RNASE10: variants seen among roughly 807,000 people sequenced by gnomAD.
RNASE10 encodes inactive ribonuclease-like protein 10.
RNASE10 carries 2 observed loss-of-function variants against 1.1 expected under a neutral mutation model. The ratio of observed to expected loss-of-function variants is 1.82; its 90% CI spans 0.74 to 5.73. RNASE10 has a LOEUF of 5.73. Among genes scored for constraint, RNASE10 ranks in the 30% most tolerant of loss-of-function variants. RNASE10 has a pLI of 0.05. For synonymous variants in RNASE10, 97 were observed against 96.2 expected (o/e 1.01, Z -0.05); for missense variants, 276 against 263.4 (o/e 1.05, Z -0.33).
At chr14:20,513,131 G>A (rs770826645), downstream of RNASE10, among the ~76,000 whole-genome samples, 9 of 152,054 alleles carry the variant, frequency 5.9e-5, no homozygotes, top group Non-Finnish European at 1.0e-4. Flanking sequence ...TAAGCGTTCC[G>A]GCACTGTTTG....
chr14:20,508,181 A>G (rs1256116280), intron 1 of RNASE10, among the ~76,000 whole-genome samples: 1 of 152,124 alleles, frequency 6.6e-6, no homozygotes, highest in Non-Finnish European at 1.5e-5. Flanking sequence ...TTAATATTTC[A>G]GTGTGCATCT....
chr14:20,511,721 T>C (rs953321961), downstream of RNASE10, among the ~76,000 whole-genome samples: 14 of 152,306 alleles, frequency 9.2e-5, no homozygotes, highest in African/African-American at 3.4e-4. Context: ...AATAGAACTC[T>C]TTTTTCTTGA....
At chr14:20,508,401 C>T (rs964454623) in intron 1 of RNASE10, among the ~76,000 whole-genome samples, 2 of 152,086 alleles carry the variant, frequency 1.3e-5, no homozygotes, top group East Asian at 1.9e-4. Context: ...AATCTCTCAC[C>T]GTCTCACTCC....
Position 20,507,815 on chromosome 14 carries a change from A to G in RNASE10, c.79+1796A>G, listed in dbSNP as rs139686152. Among the ~76,000 whole-genome samples, 29 of 151,862 alleles carry G rather than the reference A, an allele frequency of 1.9e-4. 2 individuals are homozygous for G. The highest frequency in any genetic ancestry group is 7.0e-4 in the African/African-American group (29 of 41,392). ...CAGGCTGGGGTGTAGCAGTTGGATC[A>G]TGGCTCACTGCAGCCTCAACTTCCT... is the stretch of plus-strand genomic sequence containing the variant. On this transcript the variant is annotated intron_variant, in intron 1 of 1. Coordinates refer to ENST00000430083, the Ensembl canonical transcript of RNASE10.
upstream of RNASE10, among the ~76,000 whole-genome samples, chr14:20,505,346 G>C (rs1357665204): frequency 0.014 from 908 of 63,986 alleles, 41 homozygotes; most frequent in African/African-American, 0.059. Context: ...TCCTTCCACG[G>C]TCTCCCTCTG....
intron 1 of RNASE10, among the ~76,000 whole-genome samples, chr14:20,508,042 G>A (rs955802632): frequency 3.3e-5 from 5 of 152,084 alleles, no homozygotes; most frequent in Admixed American, 2.0e-4. Flanking sequence ...GAGCCACTGC[G>A]CCCAGGCCCC....
downstream of RNASE10, among the ~76,000 whole-genome samples, chr14:20,513,229 GT>G (rs201219528): frequency 2.0e-5 from 3 of 148,854 alleles, no homozygotes; most frequent in Admixed American, 6.6e-5. Context: ...TTTTGTTTTT[GT>G]TTTTTTTGTT....
At chr14:20,511,157 C>T, downstream of RNASE10, 1 of 1,396,088 alleles carries the variant, frequency 7.2e-7, no homozygotes, top group Admixed American at 2.6e-5. Flanking sequence ...TCACCTTCTC[C>T]TGTTCCTCTT....
At chr14:20,510,280 G>A in intron 1 of RNASE10, 187 bp from the exon 2 acceptor site, 1 of 361,220 alleles carries the variant, frequency 2.8e-6, no homozygotes. Context: ...AACAGGGAAT[G>A]TGGTAGGGAG....
At chr14:20,506,375 G>A (rs1417634206) in intron 1 of RNASE10, among the ~76,000 whole-genome samples, 2 of 121,568 alleles carry the variant, frequency 1.6e-5, no homozygotes, top group East Asian at 2.4e-4. Context: ...GCCTCTGCCC[G>A]GCCGCCCCTA....
chr14:20,510,894 C>G, exon 2 of RNASE10: 1 of 1,614,130 alleles, frequency 6.2e-7, no homozygotes, highest in Non-Finnish European at 8.5e-7. Context: ...ATGCATTCAT[C>G]CATGAGGATC....
downstream of RNASE10, chr14:20,511,164 T>C (rs549721215): frequency 1.1e-4 from 146 of 1,366,916 alleles, 3 homozygotes; most frequent in Middle Eastern, 1.0e-2. Context: ...CTCCTGTTCC[T>C]CTTCCTTTTT....
intron 1 of RNASE10, among the ~76,000 whole-genome samples, chr14:20,506,555 C>T (rs1213755385): frequency 1.9e-3 from 215 of 112,890 alleles, no homozygotes; most frequent in African/African-American, 8.0e-3. Context: ...TCTGCCCGGC[C>T]GCCCCTACTG....
At chr14:20,506,974 G>C (rs1202551661) in intron 1 of RNASE10, among the ~76,000 whole-genome samples, 2 of 143,308 alleles carry the variant, frequency 1.4e-5, no homozygotes, top group African/African-American at 2.7e-5. Flanking sequence ...CAGCCGCCCC[G>C]TCCGGGAGGG....
chr14:20,510,881 A>G (rs750096507), exon 2 of RNASE10: 1 of 1,614,024 alleles, frequency 6.2e-7, no homozygotes, highest in African/African-American at 1.3e-5. Context: ...TGCATAGCCC[A>G]GTATGCATTC....
At chr14:20,507,061 T>A (rs1342550264) in intron 1 of RNASE10, among the ~76,000 whole-genome samples, 2 of 150,518 alleles carry the variant, frequency 1.3e-5, no homozygotes, top group South Asian at 4.2e-4. Flanking sequence ...CGGCCGCCCC[T>A]ACTGGGAAGT....
upstream of RNASE10, among the ~76,000 whole-genome samples, chr14:20,505,259 TTGCTCC>T (rs1325702233): frequency 2.6e-3 from 211 of 79,922 alleles, 1 homozygote; most frequent in Middle Eastern, 8.5e-3. Context: ...AAAAGTGAGT[TTGCTCC>T]CTCTCCCTCT....
At chr14:20,511,316 A>G, downstream of RNASE10, 1 of 466,828 alleles carries the variant, frequency 2.1e-6, no homozygotes, top group Non-Finnish European at 3.7e-6. Flanking sequence ...AGTTTCTCTA[A>G]GCTCTCTGCC....
chr14:20,507,030 G>A (rs1352641598), intron 1 of RNASE10, among the ~76,000 whole-genome samples: 84 of 150,664 alleles, frequency 5.6e-4, no homozygotes, highest in African/African-American at 1.9e-3. Context: ...CCCTGTCCGG[G>A]AGGTGAGGGG....
Sources: gnomAD v4.1 joint callset for allele counts (sites outside exome capture counted in the v4.1 genomes callset) on GRCh38, gnomAD v4.1.1 for gene constraint, MANE v1.5 for transcripts, NCBI Gene and HGNC (gene_info 2026-07-23, HGNC 2026-07-21) for gene names.